The following MYOM1 variants were observed in gnomAD, a reference collection of about 807,000 sequenced individuals.
The protein encoded by MYOM1 is myomesin-1.
A neutral mutation model predicts 205.3 loss-of-function variants in MYOM1; 164 were observed. The observed-to-expected ratio is 0.80, with a 90% CI of 0.70 to 0.91. The LOEUF is 0.91. MYOM1 is among the 40% of genes least tolerant of loss of function. MYOM1 has a pLI of 0.00. For synonymous variants in MYOM1, 772 were observed against 789.4 expected (o/e 0.98, Z 0.37); for missense variants, 2,011 against 2,127.3 (o/e 0.95, Z 1.08).
Position 3,135,677 on chromosome 18 carries a change from C to A in MYOM1, c.2079G>T (p.Lys693Asn), listed in dbSNP as rs1014448013. Residue 693 changes from lysine (K) to asparagine (N), a missense_variant, in exon 15 of 38, where the codon AAG becomes AAT. Coordinates refer to ENST00000356443, the MANE Select transcript of MYOM1 (RefSeq NM_003803.4). The surrounding 1 kb of genome is among the most constrained non-coding windows in gnomAD (Gnocchi z 4.1). ...WQRVNTELPV[K>N]SPRFALFDLA... ...AGTCAAACAGAGCAAAGCGGGGAGA[C>A]TTCACAGGGAGCTCCGTGTTCACTC... 1 of 1,613,872 alleles carries A rather than the reference C, an allele frequency of 6.2e-7. No homozygotes were observed. Among genetic ancestry groups the A allele is most frequent in the Non-Finnish European group, 8.5e-7 (1 of 1,179,896 alleles).
chr18:3,198,644 C>A (rs1211688828), intron 2 of MYOM1, among the ~76,000 whole-genome samples: 5 of 152,058 alleles, frequency 3.3e-5, no homozygotes, highest in South Asian at 4.2e-4. Context: ...CTTAGCTGGG[C>A]GTGGTGGCGG....
chr18:3,237,064 T>C, the MYOM1 span, among the ~76,000 whole-genome samples: 1 of 151,964 alleles, frequency 6.6e-6, no homozygotes, highest in Admixed American at 6.6e-5. Context: ...ACACATTTGA[T>C]GGAGTGGTCA....
At chr18:3,137,585 G>C (rs191199294) in intron 14 of MYOM1, among the ~76,000 whole-genome samples, 31 of 152,274 alleles carry the variant, frequency 2.0e-4, no homozygotes, top group Admixed American at 1.9e-3. Context: ...AATATCTCAT[G>C]TTCTCATTCA....
intron 29 of MYOM1, 29 bp downstream of exon 29, chr18:3,089,145 C>A (rs779821000): frequency 1.3e-6 from 2 of 1,515,566 alleles, no homozygotes; most frequent in South Asian, 2.4e-5. Flanking sequence ...TCCCTTGAAT[C>A]AAATATTAAA....
At chr18:3,195,308 G>C (rs990379915) in intron 2 of MYOM1, among the ~76,000 whole-genome samples, 4 of 152,136 alleles carry the variant, frequency 2.6e-5, no homozygotes, top group Non-Finnish European at 5.9e-5. Context: ...CTTTTTCTAT[G>C]ATGAGCATTA....
At chr18:3,080,540 G>A (rs1320165674) in intron 33 of MYOM1, among the ~76,000 whole-genome samples, 2 of 151,846 alleles carry the variant, frequency 1.3e-5, no homozygotes, top group African/African-American at 4.8e-5. Context: ...TGGGCATGGT[G>A]GCATGTGCCT....
intron 18 of MYOM1, among the ~76,000 whole-genome samples, chr18:3,127,305 A>ATTTTTTTTTTTT (rs1555620545): frequency 2.1e-5 from 1 of 47,568 alleles, no homozygotes; most frequent in Non-Finnish European, 3.6e-5. Flanking sequence ...ATATATATAT[A>ATTTTTTTTTTTT]TTTTTTTTTT....
At chr18:3,126,644 G>T in intron 19 of MYOM1, 57 bp downstream of exon 19, 8 of 1,486,358 alleles carry the variant, frequency 5.4e-6, no homozygotes, top group East Asian at 2.3e-5. Context: ...CTGCCTGGGC[G>T]TGCAAGCATA....
intron 2 of MYOM1, among the ~76,000 whole-genome samples, chr18:3,208,899 G>A (rs1217631377): frequency 6.6e-6 from 1 of 152,096 alleles, no homozygotes; most frequent in Non-Finnish European, 1.5e-5. Flanking sequence ...TCAAGTGTTG[G>A]GATTACAGGC....
At chr18:3,101,869 A>T (rs1379229040) in intron 23 of MYOM1, among the ~76,000 whole-genome samples, 1 of 152,002 alleles carries the variant, frequency 6.6e-6, no homozygotes. Context: ...TTATTTTATT[A>T]GAGTCAGGGA....
rs779144286 is a variant in MYOM1, at chr18:3,151,839, A to C, written c.1698T>G (p.Phe566Leu). Residue 566 changes from phenylalanine to leucine, a missense_variant, in exon 12 of 38, where the codon TTT (phenylalanine) becomes TTG (leucine). Physicochemically the swap from Phe to Leu is conservative, Grantham distance 22. Coordinates refer to ENST00000356443, the MANE Select transcript of MYOM1 (RefSeq NM_003803.4). The part of the protein sequence containing the change: ...WSQCNDTPVK[F>L]ARFPVTGLIE... ...TCAATCCAGTGACAGGAAAACGAGC[A>C]AACTTCACAGGTGTGTCATTGCACT... 3.7e-6 allele frequency: 6 copies of C among 1,613,782 alleles called. No individual in the cohort carries two copies. The highest frequency in any genetic ancestry group is 5.1e-6 in the Non-Finnish European group (6 of 1,179,706).
intron 10 of MYOM1, among the ~76,000 whole-genome samples, chr18:3,157,093 T>C (rs373273614): frequency 6.6e-6 from 1 of 152,170 alleles, no homozygotes; most frequent in East Asian, 1.9e-4. Context: ...TCTAGCCATG[T>C]CCTTTTGCTA....
Position 3,100,149 on chromosome 18 carries a change from G to A in MYOM1, c.3727+10C>T, listed in dbSNP as rs751799791. ...TGCTAAAAACCTGTGAATGTATTGT[G>A]GATACTTACTTGGGAACTTGTGTTC... On this transcript the variant is annotated intron_variant, in intron 25 of 37. Transcript: ENST00000356443. The A allele has an allele frequency of 1.2e-6, 2 of 1,613,564 alleles. No homozygotes were observed. The highest frequency in any genetic ancestry group is 4.5e-5 in the East Asian group (2 of 44,860).
At chr18:3,155,599 TAG>T (rs1305937712) in intron 10 of MYOM1, among the ~76,000 whole-genome samples, 2 of 152,140 alleles carry the variant, frequency 1.3e-5, no homozygotes, top group African/African-American at 4.8e-5. Flanking sequence ...TGTCAGAAAA[TAG>T]AAAGTGCTCT....
At chr18:3,194,053 A>C in intron 2 of MYOM1, 95 bp from the exon 3 acceptor site, 1 of 1,296,696 alleles carries the variant, frequency 7.7e-7, no homozygotes, top group Non-Finnish European at 1.1e-6. Context: ...GAGAAATTTT[A>C]CCAAATCCTA....
intron 22 of MYOM1, 53 bp downstream of exon 22, chr18:3,112,245 G>A: frequency 6.7e-7 from 1 of 1,483,390 alleles, no homozygotes. Context: ...CCGAACCTTA[G>A]TTCAGTATCT....
chr18:3,226,980 G>T, the MYOM1 span, among the ~76,000 whole-genome samples: 1 of 152,168 alleles, frequency 6.6e-6, no homozygotes, highest in African/African-American at 2.4e-5. The surrounding 1 kb of genome is among the most constrained non-coding windows in gnomAD (Gnocchi z 4.6). Flanking sequence ...GGTAGATTCT[G>T]GGAGAGGGAC....
In MYOM1 at chr18:3,089,192, A is replaced by G; in HGVS notation, c.4119T>C (p.Asn1373=). Residue 1373 remains asparagine, a synonymous_variant, in exon 29 of 38, where the codon AAT becomes AAC. Transcript: ENST00000356443. ...CTCTTACCTTGCATTTCAATAGTAC[A>G]TTACATTCACCAGTCACTTCCCAGC... ...YLSWEVTGEC[N]VLLKCKVANI... The G allele has an allele frequency of 6.2e-7, 1 of 1,611,478 alleles. No homozygotes were observed. The highest frequency in any genetic ancestry group is 8.5e-7 in the Non-Finnish European group (1 of 1,178,108).
chr18:3,112,358 G>A lies in MYOM1; in HGVS notation c.3358C>T (p.Gln1120Ter), dbSNP rs748200262. 19 of 1,612,762 alleles carry A rather than the reference G, an allele frequency of 1.2e-5. No individual in the cohort carries two copies. The highest frequency in any genetic ancestry group is 1.6e-5 in the Non-Finnish European group (19 of 1,178,998). The change falls in exon 22 of 38, where the codon CAG becomes TAG. Residue 1120 changes from glutamine to a stop codon, truncating the protein, a stop_gained. Coordinates refer to ENST00000356443, the MANE Select transcript of MYOM1 (RefSeq NM_003803.4). LOFTEE classifies it high-confidence loss of function. ...TCAGATGGCTTCCCAACTCCCGCCT[G>A]GTTTATGGCTCGAACACGGAACACG... ...SYVFRVRAIN[Q>*]AGVGKPSDLA...
Sources: gnomAD v4.1 joint callset for allele counts (sites outside exome capture counted in the v4.1 genomes callset) on GRCh38, gnomAD v4.1.1 for gene constraint, Gnocchi (gnomAD v3.1) non-coding constraint, MANE v1.5 for transcripts, NCBI Gene and HGNC (gene_info 2026-07-23, HGNC 2026-07-21) for gene names.